GAREM1: variants seen among roughly 807,000 people sequenced by gnomAD.
GAREM1 encodes the protein GRB2 associated regulator of MAPK1 subtype 1.
Under a neutral mutation model 71.3 loss-of-function variants are expected in GAREM1, and 26 were observed. That is an observed-to-expected ratio of 0.36 (90% confidence interval 0.27 to 0.51). The LOEUF (loss-of-function observed/expected upper bound fraction) is 0.51. GAREM1 is among the 20% of genes least tolerant of loss of function. GAREM1 has a pLI of 0.95. For missense variants in GAREM1, 1,026 were observed against 1,103.1 expected (o/e 0.93, Z 0.99); for synonymous variants, 440 against 433.2 (o/e 1.02, Z -0.20).
Position 32,310,207 on chromosome 18 carries a change from T to C in GAREM1, c.379A>G (p.Thr127Ala). ...AGAGCTACTACCTTCACGTTGAATG[T>C]GATATCCTCCATGACGTACACGCGT... Reference protein sequence around the residue: ...PERVYVMEDITFNVKVASGEC... With the variant: ...PERVYVMEDIAFNVKVASGEC... Residue 127 changes from threonine (T) to alanine (A), a missense_variant, in exon 3 of 6, where the codon ACA becomes GCA. Physicochemically the swap from Thr to Ala is moderately conservative, Grantham distance 58. Around this residue, in one of 3 missense-constraint regions of GAREM1, gnomAD observed 172 missense variants for 175.2 expected, o/e 0.98. Transcript: ENST00000269209. 6.2e-7 allele frequency: 1 copy of C among 1,614,014 alleles called. No individual in the cohort carries two copies. The highest frequency in any genetic ancestry group is 8.5e-7 in the Non-Finnish European group (1 of 1,179,924).
At chr18:32,459,625 T>C (rs2048932370) in intron 1 of GAREM1, among the ~76,000 whole-genome samples, 1 of 152,176 alleles carries the variant, frequency 6.6e-6, no homozygotes, top group Non-Finnish European at 1.5e-5. Flanking sequence ...TTAACTTGGG[T>C]CTAGTGCTTG....
intron 4 of GAREM1, among the ~76,000 whole-genome samples, chr18:32,286,398 G>GT (rs2047018780): frequency 6.6e-6 from 1 of 151,770 alleles, no homozygotes; most frequent in Admixed American, 6.6e-5. Flanking sequence ...TGATCTCAGT[G>GT]TAACTTCAGG....
chr18:32,321,831 A>G (rs1222842943), intron 2 of GAREM1, among the ~76,000 whole-genome samples: 1 of 152,138 alleles, frequency 6.6e-6, no homozygotes, highest in Non-Finnish European at 1.5e-5. Context: ...TCTTGCCTCT[A>G]GATTTCCACC....
At chr18:32,383,905 T>C (rs969173474) in intron 2 of GAREM1, among the ~76,000 whole-genome samples, 16 of 152,040 alleles carry the variant, frequency 1.1e-4, no homozygotes, top group African/African-American at 3.4e-4. Flanking sequence ...AATGTGAAAA[T>C]AGCAATCAAA....
In GAREM1 at chr18:32,314,238, C is replaced by T. The variant is rs2047354339; in HGVS notation, c.263-3915G>A. Among the ~76,000 whole-genome samples the T allele has an allele frequency of 2.0e-5, 3 of 152,122 alleles. No individual in the cohort carries two copies. In the South Asian group the frequency reaches 6.2e-4, roughly 32 times the overall value. On this transcript the variant is annotated intron_variant, in intron 2 of 5. Coordinates refer to ENST00000269209, the MANE Select transcript of GAREM1 (RefSeq NM_001242409.2). ...TGGTGTTCTACAGTTTTATACCGTG[C>T]CCTTGCCCACTGAGCTGAGCAATTC...
At chr18:32,380,476 A>AAAAAAAG in intron 2 of GAREM1, among the ~76,000 whole-genome samples, 1 of 142,312 alleles carries the variant, frequency 7.0e-6, no homozygotes, top group African/African-American at 2.6e-5. Context: ...ACTTCATTTA[A>AAAAAAAG]AAAAAAAAAA....
At position 32,322,030 on chromosome 18, in the gene GAREM1, A is replaced by C. The variant is rs1319340701; in HGVS notation, c.263-11707T>G. 3.3e-5 allele frequency among the ~76,000 whole-genome samples: 5 copies of C among 152,218 alleles called. No homozygotes were observed. In the East Asian group the frequency reaches 9.6e-4, roughly 29 times the overall value. On this transcript the variant is annotated intron_variant, in intron 2 of 5. Transcript: ENST00000269209. ...CACCACTGGCCTCAAGGGACAAGAG[A>C]GGGACTAGCTATGGAAACAAAGATT...
intron 2 of GAREM1, among the ~76,000 whole-genome samples, chr18:32,329,196 C>A (rs948249350): frequency 2.0e-5 from 3 of 152,018 alleles, no homozygotes; most frequent in Admixed American, 2.0e-4. Flanking sequence ...CACAGTGAGA[C>A]CCCACCTCAA....
At chr18:32,341,377 A>G (rs1014665114) in intron 2 of GAREM1, among the ~76,000 whole-genome samples, 4 of 152,210 alleles carry the variant, frequency 2.6e-5, no homozygotes, top group African/African-American at 9.7e-5. Flanking sequence ...CCAGTCTATC[A>G]TTGATGGACA....
intron 2 of GAREM1, among the ~76,000 whole-genome samples, chr18:32,380,699 C>T (rs1428274117): frequency 6.6e-6 from 1 of 152,114 alleles, no homozygotes; most frequent in Non-Finnish European, 1.5e-5. Flanking sequence ...GGATGTTCAG[C>T]AACTTCCTTG....
chr18:32,345,997 T>C (rs2047692055), intron 2 of GAREM1, among the ~76,000 whole-genome samples: 1 of 152,222 alleles, frequency 6.6e-6, no homozygotes, highest in Admixed American at 6.5e-5. Flanking sequence ...AGGTCTAGAA[T>C]TTCTTTTTTT....
At chr18:32,371,430 A>G (rs1309066137) in intron 2 of GAREM1, among the ~76,000 whole-genome samples, 1 of 152,210 alleles carries the variant, frequency 6.6e-6, no homozygotes, top group African/African-American at 2.4e-5. Context: ...TGAAAAATGA[A>G]AAGAGTTTGT....
chr18:32,469,296 G>C (rs1167779170), intron 1 of GAREM1, among the ~76,000 whole-genome samples: 1 of 152,192 alleles, frequency 6.6e-6, no homozygotes, highest in East Asian at 1.9e-4. Flanking sequence ...TTTCTGCTTA[G>C]TGTTCTTCTG....
intron 2 of GAREM1, among the ~76,000 whole-genome samples, chr18:32,364,009 TATATATATA>T (rs2047896362): frequency 2.0e-5 from 1 of 50,590 alleles, no homozygotes; most frequent in Non-Finnish European, 3.6e-5. Flanking sequence ...TATATATATA[TATATATATA>T]TATATATATG....
chr18:32,358,660 G>C (rs1021891309), intron 2 of GAREM1, among the ~76,000 whole-genome samples: 9 of 152,038 alleles, frequency 5.9e-5, no homozygotes, highest in Admixed American at 4.6e-4. Flanking sequence ...AACTTTCTAC[G>C]GTATCATGCA....
rs1331322082 is a variant in GAREM1, at chr18:32,344,131, T to C, written c.263-33808A>G. The stretch of plus-strand genomic sequence containing the variant: ...AGTGGTATTAATAACACCTCTGCAT[T>C]ACAGTCACAGAACTGCGCTGCCTTC... On this transcript the variant is annotated intron_variant, in intron 2 of 5. Coordinates refer to ENST00000269209, the MANE Select transcript of GAREM1 (RefSeq NM_001242409.2). 2.0e-5 allele frequency among the ~76,000 whole-genome samples: 3 copies of C among 152,178 alleles called. No homozygotes were observed. In the East Asian group the frequency reaches 5.8e-4, roughly 29 times the overall value.
intron 1 of GAREM1, among the ~76,000 whole-genome samples, chr18:32,421,027 G>C (rs1022041188): frequency 6.6e-6 from 1 of 152,138 alleles, no homozygotes; most frequent in African/African-American, 2.4e-5. Context: ...CCCATTCAGA[G>C]TCCTTTGGAT....
chr18:32,302,323 G>A (rs886545317), intron 3 of GAREM1, among the ~76,000 whole-genome samples: 3 of 152,190 alleles, frequency 2.0e-5, no homozygotes, highest in African/African-American at 7.2e-5. Context: ...GATCTAAAAT[G>A]TAATGATTAT....
At chr18:32,313,723 A>G (rs894499779) in intron 2 of GAREM1, among the ~76,000 whole-genome samples, 1 of 152,178 alleles carries the variant, frequency 6.6e-6, no homozygotes, top group African/African-American at 2.4e-5. Context: ...AAGAGTTTTT[A>G]GGGAATTGCG....
Sources: gnomAD v4.1 joint callset for allele counts (sites outside exome capture counted in the v4.1 genomes callset) on GRCh38, gnomAD v4.1.1 for gene constraint, gnomAD v4.1.1 regional missense constraint, MANE v1.5 for transcripts, NCBI Gene and HGNC (gene_info 2026-07-23, HGNC 2026-07-21) for gene names.